The following SRFBP1 variants were observed in gnomAD, a reference collection of about 807,000 sequenced individuals.
SRFBP1 encodes the protein serum response factor binding protein 1.
In SRFBP1, 47 loss-of-function variants were observed where a neutral mutation model predicts 45.5. The observed-to-expected ratio is 1.03, with a 90% confidence interval of 0.82 to 1.32. The LOEUF (loss-of-function observed/expected upper bound fraction) is 1.32, where lower values mean the gene tolerates loss of function less well. Ranked by LOEUF, SRFBP1 falls within the 40% of genes most tolerant of loss-of-function variation. The probability of loss-of-function intolerance (pLI) is 0.00; values close to 1 mark genes in which losing one functional copy is unlikely to be tolerated. For synonymous variants in SRFBP1, 203 were observed against 166.3 expected, an observed-to-expected ratio of 1.22 and a Z score of -1.70; for missense variants, 621 against 484.6, an observed-to-expected ratio of 1.28 and a Z score of -2.64.
At chr5:121,999,366 C>G (rs1752806540) in intron 4 of SRFBP1, among the ~76,000 whole-genome samples, 1 of 151,844 alleles carries the variant, frequency 6.6e-6, no homozygotes. Flanking sequence ...CAATGTTGTA[C>G]TATTTGTTAT....
At chr5:121,993,273 A>G (rs1192133009) in intron 3 of SRFBP1, among the ~76,000 whole-genome samples, 1 of 152,124 alleles carries the variant, frequency 6.6e-6, no homozygotes, top group African/African-American at 2.4e-5. Context: ...ATGAAAAAAC[A>G]TATGTATATA....
At chr5:122,070,239 A>G in intron 2 of SRFBP1, 1 of 886,020 alleles carries the variant, frequency 1.1e-6, no homozygotes, top group South Asian at 1.4e-5. Flanking sequence ...GTTAATGAGG[A>G]CTTAGCTAAA....
chr5:122,052,336 A>G (rs1754002689), intron 2 of SRFBP1, among the ~76,000 whole-genome samples: 1 of 152,154 alleles, frequency 6.6e-6, no homozygotes, highest in East Asian at 1.9e-4. Context: ...ATTCTGAAAT[A>G]TGTTTTTCAA....
chr5:122,077,898 G>C, downstream of SRFBP1: 1 of 1,519,048 alleles, frequency 6.6e-7, no homozygotes, highest in Non-Finnish European at 8.7e-7. The surrounding 1 kb of genome is among the most constrained non-coding windows in gnomAD (Gnocchi z 4.9). Context: ...CGCGGGGGCT[G>C]CTGTTGGCCG....
At chr5:121,981,152 A>G (rs7713905) in intron 3 of SRFBP1, among the ~76,000 whole-genome samples, 5,789 of 151,620 alleles carry the variant, frequency 0.038, 315 homozygotes, top group African/African-American at 0.12. Context: ...AGGGTTGGGG[A>G]GATGGGGATG....
Position 121,994,665 on chromosome 5 carries a change from A to T in SRFBP1, c.265A>T (p.Lys89Ter). Reference protein sequence around the residue: ...GDDINFEKIFKKPDSTATERA... With the variant: ...GDDINFEKIF The stretch of plus-strand genomic sequence containing the variant: ...TGATATCAACTTTGAAAAAATCTTC[A>T]AAAAGGTATATCTGCAATAGATTAT... The change falls in exon 4 of 8, where the codon AAA becomes TAA. Residue 89 changes from lysine (K) to a stop codon, truncating the protein, a stop_gained. Coordinates refer to ENST00000339397, the MANE Select transcript of SRFBP1 (RefSeq NM_152546.3). LOFTEE classifies it high-confidence loss of function. The T allele has an allele frequency of 6.3e-7, 1 of 1,582,308 alleles. No homozygotes were observed. Among genetic ancestry groups the T allele is most frequent in the Non-Finnish European group, 8.6e-7 (1 of 1,159,246 alleles).
intron 4 of SRFBP1, among the ~76,000 whole-genome samples, chr5:122,000,338 T>C (rs1009254611): frequency 6.6e-6 from 1 of 152,070 alleles, no homozygotes; most frequent in Non-Finnish European, 1.5e-5. Context: ...TTTGACATAA[T>C]TAAACATAAA....
At chr5:122,033,374 T>C (rs1254216337), downstream of SRFBP1, among the ~76,000 whole-genome samples, 1 of 152,204 alleles carries the variant, frequency 6.6e-6, no homozygotes, top group Admixed American at 6.5e-5. Flanking sequence ...TATTTCCTTT[T>C]GTTCCATTTT....
At chr5:122,051,025 G>A (rs1367304582) in intron 2 of SRFBP1, among the ~76,000 whole-genome samples, 1 of 152,138 alleles carries the variant, frequency 6.6e-6, no homozygotes, top group Non-Finnish European at 1.5e-5. Context: ...CATTATTCAG[G>A]AGCAGGTTAT....
At chr5:122,076,527 A>G (rs368062871), downstream of SRFBP1, among the ~76,000 whole-genome samples, 72 of 152,338 alleles carry the variant, frequency 4.7e-4, 1 homozygote, top group South Asian at 0.015. Context: ...AGGGGGTATT[A>G]ACACACCCTT....
At chr5:122,011,185 A>G (rs1753085025) in intron 4 of SRFBP1, among the ~76,000 whole-genome samples, 1 of 152,166 alleles carries the variant, frequency 6.6e-6, no homozygotes, top group African/African-American at 2.4e-5. Context: ...CATTTCAAAG[A>G]AGAGATCTTT....
intron 4 of SRFBP1, among the ~76,000 whole-genome samples, chr5:122,011,060 G>A (rs746258895): frequency 6.6e-6 from 1 of 152,022 alleles, no homozygotes; most frequent in Non-Finnish European, 1.5e-5. Flanking sequence ...TGAATATGTG[G>A]ATTTATGTCA....
intron 1 of SRFBP1, among the ~76,000 whole-genome samples, chr5:121,965,542 G>T (rs932951014): frequency 1.3e-5 from 2 of 152,182 alleles, no homozygotes; most frequent in South Asian, 4.1e-4. Context: ...CTGTTCCATT[G>T]GTCTATATAT....
intron 3 of SRFBP1, 69 bp from the exon 4 acceptor site, chr5:121,994,530 G>A: frequency 9.9e-7 from 1 of 1,006,574 alleles, no homozygotes; most frequent in Non-Finnish European, 1.5e-6. Flanking sequence ...TTAAGATACG[G>A]AAAGGAACTT....
chr5:122,002,149 T>C (rs1295626456), intron 4 of SRFBP1, among the ~76,000 whole-genome samples: 4 of 152,216 alleles, frequency 2.6e-5, no homozygotes, highest in Non-Finnish European at 5.9e-5. Flanking sequence ...GGAGGAGTTT[T>C]GATTGGGAGA....
chr5:122,004,538 T>C (rs1352907713), intron 4 of SRFBP1, among the ~76,000 whole-genome samples: 1 of 152,128 alleles, frequency 6.6e-6, no homozygotes, highest in African/African-American at 2.4e-5. Flanking sequence ...CATTTCTCAT[T>C]TTATTTATTT....
Position 122,026,942 on chromosome 5 carries a change from A to AT in SRFBP1, c.1110dup (p.Pro371SerfsTer4), listed in dbSNP as rs749796129. 1.6e-4 allele frequency: 261 copies of AT among 1,602,072 alleles called. No individual in the cohort carries two copies. The highest frequency in any genetic ancestry group is 2.0e-4 in the Non-Finnish European group (238 of 1,175,512). On this transcript the variant is annotated frameshift_variant and splice_region_variant, in exon 8 of 8. Transcript: ENST00000339397. LOFTEE classifies it low-confidence loss of function (END_TRUNC). ...TATTATTTTTGCTTTCTCTTCCTAG[A>AT]TTTTCCACAGAATGAGCCTCAGATC...
At chr5:122,020,876 C>T (rs968854894) in intron 6 of SRFBP1, 74 bp downstream of exon 6, 12 of 1,290,900 alleles carry the variant, frequency 9.3e-6, no homozygotes, top group Non-Finnish European at 1.2e-5. Flanking sequence ...CTTGTCCATA[C>T]ATGAAGAGAC....
At chr5:122,003,979 C>T (rs1484802286) in intron 4 of SRFBP1, among the ~76,000 whole-genome samples, 1 of 152,086 alleles carries the variant, frequency 6.6e-6, no homozygotes. Flanking sequence ...CTGTCACCCA[C>T]ACTGGAGTGC....
Sources: gnomAD v4.1 joint callset for allele counts (sites outside exome capture counted in the v4.1 genomes callset) on GRCh38, gnomAD v4.1.1 for gene constraint, Gnocchi (gnomAD v3.1) non-coding constraint, MANE v1.5 for transcripts, NCBI Gene and HGNC (gene_info 2026-07-23, HGNC 2026-07-21) for gene names.